The following ZFAT variants were observed in gnomAD, a reference collection of about 807,000 sequenced individuals.
ZFAT encodes the protein zinc finger protein ZFAT.
In ZFAT, 64 loss-of-function variants were observed where a neutral mutation model predicts 117.7. That is an observed-to-expected ratio of 0.54 (90% confidence interval 0.44 to 0.67). The LOEUF (loss-of-function observed/expected upper bound fraction) is 0.67. Ranked by LOEUF, ZFAT falls within the 30% of genes least tolerant of loss-of-function variation. ZFAT has a pLI of 0.00. For synonymous variants in ZFAT, 679 were observed against 615.0 expected, an observed-to-expected ratio of 1.10 and a Z score of -1.54; for missense variants, 1,433 against 1,584.5, an observed-to-expected ratio of 0.90 and a Z score of 1.62.
chr8:134,682,243 T>C lies in ZFAT; in HGVS notation c.20-24506A>G, dbSNP rs193062571. On this transcript the variant is annotated intron_variant, in intron 1 of 15. Transcript: ENST00000377838. ...CTCAAATCTAAGACAGCATCTACTTTAGGGAGCACGGATATTTTACATACC... is the reference window on the plus strand; with the variant it reads ...CTCAAATCTAAGACAGCATCTACTTCAGGGAGCACGGATATTTTACATACC... 1.1e-3 allele frequency among the ~76,000 whole-genome samples: 174 copies of C among 152,338 alleles called. 1 individual carries two copies. The highest frequency in any genetic ancestry group is 2.1e-3 in the Non-Finnish European group (140 of 68,038).
chr8:134,544,533 C>T (rs1271861093), intron 11 of ZFAT, among the ~76,000 whole-genome samples: 1 of 151,722 alleles, frequency 6.6e-6, no homozygotes, highest in African/African-American at 2.4e-5. Flanking sequence ...AACTGTATTC[C>T]TAACATATAA....
the ZFAT span, among the ~76,000 whole-genome samples, chr8:134,738,333 T>A: frequency 6.6e-6 from 1 of 152,192 alleles, no homozygotes; most frequent in African/African-American, 2.4e-5. Flanking sequence ...GCTCTTGGAC[T>A]TCTGGCAAGC....
intron 10 of ZFAT, among the ~76,000 whole-genome samples, chr8:134,577,832 T>C (rs1796977209): frequency 6.6e-6 from 1 of 152,088 alleles, no homozygotes; most frequent in African/African-American, 2.4e-5. Flanking sequence ...ACAGTTCCAG[T>C]AACAGAGACA....
intron 1 of ZFAT, among the ~76,000 whole-genome samples, chr8:134,693,420 G>A (rs560347371): frequency 2.6e-5 from 4 of 151,644 alleles, no homozygotes; most frequent in Non-Finnish European, 5.9e-5. Context: ...AAGCATTCCT[G>A]AGTCTACACA....
intron 2 of ZFAT, among the ~76,000 whole-genome samples, chr8:134,644,633 TAC>T (rs1297924581): frequency 1.3e-5 from 2 of 151,138 alleles, no homozygotes; most frequent in African/African-American, 2.4e-5. Flanking sequence ...ATGTACCGTA[TAC>T]ACAATCTCAC....
At chr8:134,666,095 C>T (rs1832201657) in intron 1 of ZFAT, among the ~76,000 whole-genome samples, 3 of 152,198 alleles carry the variant, frequency 2.0e-5, no homozygotes, top group Admixed American at 2.0e-4. Context: ...ACTGAAGTGT[C>T]ACTGGAGGCC....
At chr8:134,811,301 A>G in the ZFAT span, among the ~76,000 whole-genome samples, 7 of 152,182 alleles carry the variant, frequency 4.6e-5, no homozygotes, top group African/African-American at 1.4e-4. Context: ...AATGCTGAAG[A>G]CTGGGAAGCA....
chr8:134,604,359 A>C (rs1402149696), intron 5 of ZFAT, among the ~76,000 whole-genome samples: 5 of 152,176 alleles, frequency 3.3e-5, no homozygotes, highest in Non-Finnish European at 7.4e-5. Flanking sequence ...AATCACTGAC[A>C]CGCAGCGACC....
chr8:134,542,048 G>C (rs1822295800), intron 11 of ZFAT, among the ~76,000 whole-genome samples: 1 of 152,186 alleles, frequency 6.6e-6, no homozygotes, highest in South Asian at 2.1e-4. Context: ...TTCCCTACAA[G>C]GCCTGCCTGA....
chr8:134,590,226 A>G (rs1554594511), intron 8 of ZFAT, 42 bp downstream of exon 8: 4 of 1,484,968 alleles, frequency 2.7e-6, no homozygotes, highest in Non-Finnish European at 2.8e-6. Flanking sequence ...AAACATAAGC[A>G]TTTTTAACAT....
chr8:134,657,996 C>T (rs1349449959), intron 1 of ZFAT, among the ~76,000 whole-genome samples: 1 of 152,166 alleles, frequency 6.6e-6, no homozygotes, highest in African/African-American at 2.4e-5. Context: ...TCTTGTTACC[C>T]AAATCTACTC....
At position 134,610,544 on chromosome 8, in the gene ZFAT, T is replaced by C; in HGVS notation, c.560A>G (p.Lys187Arg). 1 of 1,614,216 alleles carries C rather than the reference T, an allele frequency of 6.2e-7. No homozygotes were observed. The highest frequency in any genetic ancestry group is 8.5e-7 in the Non-Finnish European group (1 of 1,180,028). Residue 187 changes from lysine (K) to arginine (R), a missense_variant, in exon 4 of 16, where the codon AAG (lysine) becomes AGG (arginine). Lys to Arg is a conservative substitution (Grantham distance 26). Coordinates refer to ENST00000377838, the MANE Select transcript of ZFAT (RefSeq NM_020863.4). ...KTEKVQKISG[K>R]EARQLSGAKK... The stretch of plus-strand genomic sequence containing the variant: ...CGCCCCAGAAAGCTGTCTGGCCTCC[T>C]TTCCTGAGATCTTCTGGACTTTCTC...
intron 1 of ZFAT, among the ~76,000 whole-genome samples, chr8:134,705,379 T>TTG (rs1563776668): frequency 1.3e-5 from 2 of 148,226 alleles, no homozygotes; most frequent in African/African-American, 5.0e-5. Context: ...TTTTTTTTGT[T>TTG]TTTTTTTTTT....
intron 2 of ZFAT, among the ~76,000 whole-genome samples, chr8:134,653,589 T>TAC (rs765211088): frequency 5.9e-5 from 9 of 151,672 alleles, no homozygotes; most frequent in African/African-American, 9.7e-5. Context: ...CTTCTCACAA[T>TAC]ACACACACAC....
rs1408632180 is a variant in ZFAT, at chr8:134,653,163, T to C, written c.196+4398A>G. Among the ~76,000 whole-genome samples, 10 of 149,106 alleles carry C rather than the reference T, an allele frequency of 6.7e-5. No individual in the cohort carries two copies. In the East Asian group the frequency reaches 1.2e-3, roughly 17 times the overall value. ...GTCGGGTTTTTGGTGGGGTTTTTTT[T>C]TTCATTATTATTATTATTATAATAC... On this transcript the variant is annotated intron_variant, in intron 2 of 15. Transcript: ENST00000377838.
chr8:134,478,444 G>A lies in ZFAT; in HGVS notation c.*38C>T. The A allele has an allele frequency of 1.3e-6, 2 of 1,537,734 alleles. No homozygotes were observed. Among genetic ancestry groups the A allele is most frequent in the Non-Finnish European group, 1.8e-6 (2 of 1,138,280 alleles). On this transcript the variant is annotated 3_prime_UTR_variant, in exon 16 of 16. Coordinates refer to ENST00000377838, the MANE Select transcript of ZFAT (RefSeq NM_020863.4). The surrounding 1 kb of genome is among the most constrained non-coding windows in gnomAD (Gnocchi z 5.2). Reference sequence around the variant, plus strand: ...CCACCCTGGGTGCCTGCAGAGCCTGGCAGCCCCGCCCTGTGGCCATCCGAT... The same window carrying A: ...CCACCCTGGGTGCCTGCAGAGCCTGACAGCCCCGCCCTGTGGCCATCCGAT...
At chr8:134,644,556 TCACA>T (rs1311485794) in intron 2 of ZFAT, among the ~76,000 whole-genome samples, 1 of 149,796 alleles carries the variant, frequency 6.7e-6, no homozygotes, top group African/African-American at 2.5e-5. Context: ...ACATGCACAC[TCACA>T]CACGTACACA....
chr8:134,583,371 C>A (rs1164285711), intron 10 of ZFAT, among the ~76,000 whole-genome samples: 1 of 152,206 alleles, frequency 6.6e-6, no homozygotes, highest in East Asian at 1.9e-4. Context: ...TAGGTCAAAT[C>A]TGCCCAAATG....
chr8:134,611,929 A>G (rs1464765964), intron 3 of ZFAT, among the ~76,000 whole-genome samples: 5 of 152,258 alleles, frequency 3.3e-5, no homozygotes, highest in African/African-American at 9.6e-5. Flanking sequence ...CTAATTCCAC[A>G]TGGCTACCCT....
Sources: gnomAD v4.1 joint callset for allele counts (sites outside exome capture counted in the v4.1 genomes callset) on GRCh38, gnomAD v4.1.1 for gene constraint, Gnocchi (gnomAD v3.1) non-coding constraint, MANE v1.5 for transcripts, NCBI Gene and HGNC (gene_info 2026-07-23, HGNC 2026-07-21) for gene names.